STRN3: variants seen among roughly 807,000 people sequenced by gnomAD.
The protein encoded by STRN3 is striatin 3.
STRN3 carries 29 observed loss-of-function variants against 95.6 expected under a neutral mutation model. The observed-to-expected ratio is 0.30, with a 90% CI of 0.23 to 0.41. STRN3 has a LOEUF of 0.41. Ranked by LOEUF, STRN3 falls within the 10% of genes least tolerant of loss-of-function variation. STRN3 has a pLI of 1.00. For synonymous variants in STRN3, 331 were observed against 357.6 expected (o/e 0.93, Z 0.84); for missense variants, 890 against 972.1 (o/e 0.92, Z 1.12).
intron 1 of STRN3, among the ~76,000 whole-genome samples, chr14:30,991,305 A>C (rs901240259): frequency 6.6e-6 from 1 of 152,182 alleles, no homozygotes; most frequent in African/African-American, 2.4e-5. Context: ...TATGAGAAAC[A>C]CAAATTTGTT....
At chr14:30,958,446 C>G (rs943663468) in intron 1 of STRN3, among the ~76,000 whole-genome samples, 9 of 152,124 alleles carry the variant, frequency 5.9e-5, no homozygotes, top group African/African-American at 1.7e-4. Context: ...AAGAAAAGAG[C>G]AGCACTTACT....
intron 8 of STRN3, among the ~76,000 whole-genome samples, chr14:30,924,479 A>T (rs568852797): frequency 2.0e-5 from 3 of 151,814 alleles, no homozygotes; most frequent in African/African-American, 7.2e-5. Flanking sequence ...TTTAGTAGAG[A>T]CAAGGTCTCA....
chr14:31,025,344 G>A (rs1434517002), intron 1 of STRN3: 1 of 156,974 alleles, frequency 6.4e-6, no homozygotes, highest in Non-Finnish European at 1.4e-5. Context: ...AACTTCACAG[G>A]TCAGTCCCAA....
At chr14:30,989,946 T>C (rs1480320041) in intron 1 of STRN3, among the ~76,000 whole-genome samples, 1 of 151,542 alleles carries the variant, frequency 6.6e-6, no homozygotes, top group Non-Finnish European at 1.5e-5. Context: ...GAAGACTAAA[T>C]CAAAAAAATG....
intron 16 of STRN3, among the ~76,000 whole-genome samples, chr14:30,899,568 T>A (rs1594406467): frequency 6.6e-6 from 1 of 152,138 alleles, no homozygotes; most frequent in African/African-American, 2.4e-5. Flanking sequence ...TTCCCCAAAC[T>A]TTGTCTTTGG....
chr14:30,930,085 C>T (rs1878454985), intron 7 of STRN3, among the ~76,000 whole-genome samples: 1 of 150,588 alleles, frequency 6.6e-6, no homozygotes, highest in Non-Finnish European at 1.5e-5. Flanking sequence ...ACTGCTAAAG[C>T]TACATCAGCT....
At chr14:30,972,899 T>G (rs1199057549) in intron 1 of STRN3, among the ~76,000 whole-genome samples, 1 of 152,184 alleles carries the variant, frequency 6.6e-6, no homozygotes, top group Non-Finnish European at 1.5e-5. Flanking sequence ...CTATATAATA[T>G]TTATTTCAGA....
At chr14:30,922,237 A>G (rs1029989395) in intron 8 of STRN3, among the ~76,000 whole-genome samples, 2 of 152,068 alleles carry the variant, frequency 1.3e-5, no homozygotes, top group Admixed American at 6.6e-5. Context: ...CATGCTGCCT[A>G]GCCTGGTATT....
At chr14:31,015,858 G>A (rs1220707161) in intron 1 of STRN3, among the ~76,000 whole-genome samples, 2 of 152,134 alleles carry the variant, frequency 1.3e-5, no homozygotes, top group African/African-American at 4.8e-5. Flanking sequence ...GAGTGCAGTG[G>A]GGTGATCATG....
intron 1 of STRN3, among the ~76,000 whole-genome samples, chr14:30,957,080 C>A (rs1879946846): frequency 6.6e-6 from 1 of 152,252 alleles, no homozygotes; most frequent in Non-Finnish European, 1.5e-5. Context: ...ATCGCTTGAA[C>A]CTGGGAGGCG....
intron 1 of STRN3, among the ~76,000 whole-genome samples, chr14:31,020,906 GAA>G (rs879655124): frequency 7.0e-6 from 1 of 143,404 alleles, no homozygotes; most frequent in Non-Finnish European, 1.5e-5. Flanking sequence ...ACGCTCTCTT[GAA>G]AAAAAAAAAA....
chr14:30,933,303 A>AC (rs1878646684), intron 7 of STRN3, among the ~76,000 whole-genome samples: 1 of 150,656 alleles, frequency 6.6e-6, no homozygotes, highest in South Asian at 2.1e-4. Flanking sequence ...AAAAAAAAAA[A>AC]AACGATGCAG....
At chr14:30,934,282 C>T (rs187431016) in intron 7 of STRN3, among the ~76,000 whole-genome samples, 3 of 152,126 alleles carry the variant, frequency 2.0e-5, no homozygotes, top group Non-Finnish European at 4.4e-5. Flanking sequence ...CAAGATTGCA[C>T]CACTGCATTG....
Position 30,894,886 on chromosome 14 carries a change from TC to T in STRN3, c.*524del. The T allele has an allele frequency of 3.5e-6, 3 of 868,780 alleles. No individual in the cohort carries two copies. The highest frequency in any genetic ancestry group is 2.3e-5 in the African/African-American group (1 of 44,380). The allele number at this position is 868,780 out of a possible 1,614,324, so 53.8% of individuals were successfully genotyped here. On this transcript the variant is annotated 3_prime_UTR_variant, in exon 18 of 18. Coordinates refer to ENST00000357479, the MANE Select transcript of STRN3 (RefSeq NM_001083893.2). ...TGCTAAAATATTTTAAGTTAAATTT[TC>T]TTTTTCTTTTTTTTTTTTTTTAAAG...
intron 14 of STRN3, among the ~76,000 whole-genome samples, chr14:30,906,557 C>T (rs1896465429): frequency 6.6e-6 from 1 of 152,016 alleles, no homozygotes; most frequent in East Asian, 1.9e-4. Context: ...TCCCTTCGGT[C>T]TTTGTGGGGT....
intron 1 of STRN3, among the ~76,000 whole-genome samples, chr14:31,005,029 A>C (rs1034826272): frequency 6.6e-6 from 1 of 152,102 alleles, no homozygotes; most frequent in African/African-American, 2.4e-5. Context: ...GGTAATCCGC[A>C]TGTTGCAAGA....
chr14:30,947,760 A>G (rs1233714512), intron 4 of STRN3, among the ~76,000 whole-genome samples: 1 of 152,200 alleles, frequency 6.6e-6, no homozygotes, highest in African/African-American at 2.4e-5. Context: ...CTAGGATCTA[A>G]GATCTCATAG....
intron 1 of STRN3, among the ~76,000 whole-genome samples, chr14:30,977,445 A>C: frequency 6.6e-6 from 1 of 152,000 alleles, no homozygotes; most frequent in East Asian, 1.9e-4. Flanking sequence ...AGGGGGAAAG[A>C]TGGAGAAAGG....
At chr14:31,013,557 G>A (rs1221051810) in intron 1 of STRN3, among the ~76,000 whole-genome samples, 1 of 151,950 alleles carries the variant, frequency 6.6e-6, no homozygotes, top group Non-Finnish European at 1.5e-5. Context: ...ACAGGATCAT[G>A]GTGAGTATAA....
Sources: allele counts gnomAD v4.1 joint callset (sites outside exome capture counted in the v4.1 genomes callset), GRCh38; gene constraint gnomAD v4.1.1; transcripts MANE v1.5; gene names NCBI Gene and HGNC (gene_info 2026-07-23, HGNC 2026-07-21).